The following BORCS5 variants were observed in gnomAD, a reference collection of about 807,000 sequenced individuals.
BORCS5 encodes the protein BLOC-1 related complex subunit 5.
BORCS5 carries 17 observed loss-of-function variants against 22.1 expected under a neutral mutation model. That is an observed-to-expected ratio of 0.77 (90% CI 0.53 to 1.15). BORCS5 has a LOEUF of 1.15. Among genes scored for constraint, BORCS5 ranks in the 50% most tolerant of loss-of-function variants. The probability of loss-of-function intolerance (pLI) is 0.00; values close to 1 mark genes in which losing one functional copy is unlikely to be tolerated. For synonymous variants in BORCS5, 117 were observed against 99.8 expected, an observed-to-expected ratio of 1.17 and a Z score of -1.03; for missense variants, 247 against 253.2, an observed-to-expected ratio of 0.98 and a Z score of 0.17.
intron 2 of BORCS5, among the ~76,000 whole-genome samples, chr12:12,373,979 T>G (rs1283812301): frequency 2.1e-5 from 3 of 143,986 alleles, no homozygotes; most frequent in African/African-American, 8.4e-5. Flanking sequence ...GCAGAGAGTA[T>G]TCTTTTTTTT....
intron 2 of BORCS5, among the ~76,000 whole-genome samples, chr12:12,433,254 A>G (rs756801029): frequency 6.2e-5 from 9 of 144,994 alleles, no homozygotes; most frequent in Admixed American, 2.2e-4. Context: ...TGCTTGAACA[A>G]GGTTTCAGTG....
At chr12:12,390,060 A>AT in intron 2 of BORCS5, among the ~76,000 whole-genome samples, 1 of 152,108 alleles carries the variant, frequency 6.6e-6, no homozygotes, top group Non-Finnish European at 1.5e-5. Flanking sequence ...CTTCTATCTG[A>AT]TAAAAAGCCA....
rs1285747125 is a variant in BORCS5 at position 12,465,952 on chromosome 12, T to TG, written c.*177dup. On this transcript the variant is annotated 3_prime_UTR_variant, in exon 4 of 4. Coordinates refer to ENST00000314565, the MANE Select transcript of BORCS5 (RefSeq NM_058169.6). ...GACTTTGCCCAGCTCTTTTCCTTGA[T>TG]GCAGTTTCCCGGTGTGGAAGGAACC... The TG allele has an allele frequency of 1.7e-6, 1 of 593,872 alleles. No homozygotes were observed. The highest frequency in any genetic ancestry group is 1.9e-5 in the African/African-American group (1 of 53,676). The allele number at this position is 593,872 out of a possible 1,614,324, so 36.8% of individuals were successfully genotyped here. A position where few individuals can be genotyped will look rare whatever the true frequency, so the allele number is the denominator to read the frequency against.
chr12:12,458,614 C>T (rs1273451953), intron 3 of BORCS5, among the ~76,000 whole-genome samples: 10 of 146,602 alleles, frequency 6.8e-5, no homozygotes, highest in South Asian at 2.1e-4. Flanking sequence ...AGTCTCGCTC[C>T]GTCACCCAGG....
rs1032089739 is a variant in BORCS5, at chr12:12,469,269, T to A, written c.*3493T>A. ...TACTTGGGAGGCCAAGGTGGGAGAA[T>A]CGCTTGAACCTGGGAGGCGGAGGTT... On this transcript the variant is annotated 3_prime_UTR_variant, in exon 4 of 4. Coordinates refer to ENST00000314565, the MANE Select transcript of BORCS5 (RefSeq NM_058169.6). The A allele has an allele frequency of 6.6e-6, 1 of 152,226 alleles. No homozygotes were observed. Among genetic ancestry groups the A allele is most frequent in the Non-Finnish European group, 1.5e-5 (1 of 68,086 alleles). 9.4% of individuals were successfully genotyped at this position (152,226 alleles called of 1,614,324 possible). A position where few individuals can be genotyped will look rare whatever the true frequency, so the allele number is the denominator to read the frequency against.
intron 2 of BORCS5, among the ~76,000 whole-genome samples, chr12:12,363,969 A>G (rs1287871413): frequency 6.6e-6 from 1 of 152,188 alleles, no homozygotes; most frequent in Admixed American, 6.5e-5. Flanking sequence ...TCTGTTTACT[A>G]GAGGCCTTAC....
At chr12:12,414,273 T>G (rs1208583460) in intron 2 of BORCS5, among the ~76,000 whole-genome samples, 4 of 48,336 alleles carry the variant, frequency 8.3e-5, no homozygotes, top group Non-Finnish European at 1.2e-4. Context: ...CACTTCCCAG[T>G]AGGGGCGGCC....
intron 2 of BORCS5, among the ~76,000 whole-genome samples, chr12:12,424,931 G>A (rs11054900): frequency 0.28 from 43,325 of 152,036 alleles, 7,458 homozygotes; most frequent in Non-Finnish European, 0.38. Context: ...AAAAAATGCT[G>A]CCCCCTTTAA....
chr12:12,363,023 T>G (rs1863326398), intron 2 of BORCS5, among the ~76,000 whole-genome samples: 1 of 152,098 alleles, frequency 6.6e-6, no homozygotes, highest in African/African-American at 2.4e-5. Context: ...TAGTAGGGCA[T>G]GGTGGCTCAC....
chr12:12,443,713 C>T (rs1942728810), intron 3 of BORCS5, among the ~76,000 whole-genome samples: 1 of 152,248 alleles, frequency 6.6e-6, no homozygotes, highest in Admixed American at 6.5e-5. Context: ...AGATTTAACT[C>T]CATTCCGCTT....
intron 3 of BORCS5, chr12:12,452,083 G>T: frequency 2.2e-6 from 1 of 465,062 alleles, no homozygotes; most frequent in South Asian, 1.8e-5. Context: ...ATTTTACCTG[G>T]GAGTAGCCTT....
rs374455919 is a variant in BORCS5 at position 12,449,063 on chromosome 12, A to G, written c.360+13278A>G. On this transcript the variant is annotated intron_variant, in intron 3 of 3. Transcript: ENST00000314565. ...CGCCTACCTTGCAGGTAACTTCTTT[A>G]TACTTCCAACCGTGCTTTGGAGAAT... Among the ~76,000 whole-genome samples the G allele has an allele frequency of 1.6e-4, 25 of 152,312 alleles. No individual in the cohort carries two copies. The East Asian group carries it at 2.1e-3, about 13-fold the overall frequency.
intron 2 of BORCS5, among the ~76,000 whole-genome samples, chr12:12,401,561 G>A (rs886202957): frequency 1.3e-5 from 2 of 151,474 alleles, no homozygotes; most frequent in Non-Finnish European, 2.9e-5. Context: ...TTATTTTAAG[G>A]AACTTGGAAA....
intron 2 of BORCS5, among the ~76,000 whole-genome samples, chr12:12,431,400 A>ATTTTT (rs371924998): frequency 1.5e-4 from 17 of 109,762 alleles, no homozygotes; most frequent in African/African-American, 5.4e-4. Context: ...TCTTTTGCTA[A>ATTTTT]TTCTTTTTTT....
chr12:12,428,100 C>T (rs1400726700), intron 2 of BORCS5, among the ~76,000 whole-genome samples: 6 of 152,114 alleles, frequency 3.9e-5, no homozygotes, highest in Non-Finnish European at 8.8e-5. Context: ...GTAAATGGAG[C>T]TCGTTATGTG....
intron 2 of BORCS5, among the ~76,000 whole-genome samples, chr12:12,416,294 C>G (rs1239508431): frequency 6.6e-6 from 1 of 151,752 alleles, no homozygotes; most frequent in East Asian, 1.9e-4. Flanking sequence ...TGGTGATTTT[C>G]TCTATTTTTT....
intron 3 of BORCS5, among the ~76,000 whole-genome samples, chr12:12,457,887 T>C (rs1190454828): frequency 2.0e-5 from 3 of 152,198 alleles, no homozygotes; most frequent in African/African-American, 7.2e-5. Flanking sequence ...TGAGGTTAGA[T>C]GTACAGCCTC....
At chr12:12,426,161 C>T (rs1183367395) in intron 2 of BORCS5, among the ~76,000 whole-genome samples, 1 of 152,148 alleles carries the variant, frequency 6.6e-6, no homozygotes, top group East Asian at 1.9e-4. Flanking sequence ...TGTGGTCTCC[C>T]TTCCCTAGTC....
intron 2 of BORCS5, among the ~76,000 whole-genome samples, chr12:12,389,462 TTTAC>T (rs1863954251): frequency 6.6e-6 from 1 of 150,856 alleles, no homozygotes; most frequent in Non-Finnish European, 1.5e-5. Context: ...TTAATGCACA[TTTAC>T]AATTCTAATT....
Sources: allele counts gnomAD v4.1 joint callset (sites outside exome capture counted in the v4.1 genomes callset), GRCh38; gene constraint gnomAD v4.1.1; transcripts MANE v1.5; gene names NCBI Gene and HGNC (gene_info 2026-07-23, HGNC 2026-07-21).